The following ICA1 variants were observed in gnomAD, a reference collection of about 807,000 sequenced individuals.
ICA1 encodes islet cell autoantigen 1, also known as 69 kDa islet cell autoantigen.
Under a neutral mutation model 71.0 loss-of-function variants are expected in ICA1, and 40 were observed. The observed-to-expected ratio is 0.56, with a 90% CI of 0.44 to 0.73. The LOEUF (loss-of-function observed/expected upper bound fraction) is 0.73, where lower values mean the gene tolerates loss of function less well. Among genes scored for constraint, ICA1 ranks in the 30% least tolerant of loss-of-function variants. The probability of loss-of-function intolerance (pLI) is 0.00; values close to 1 mark genes in which losing one functional copy is unlikely to be tolerated. For missense variants in ICA1, 578 were observed against 576.5 expected (o/e 1.00, Z -0.03); for synonymous variants, 207 against 209.5 (o/e 0.99, Z 0.10).
chr7:8,230,197 G>C (rs1799829718), intron 3 of ICA1, among the ~76,000 whole-genome samples: 1 of 152,194 alleles, frequency 6.6e-6, no homozygotes, highest in African/African-American at 2.4e-5. Context: ...GTACTGAAGA[G>C]CTGTTTTTCA....
chr7:8,252,440 A>T (rs1808497900), intron 1 of ICA1, among the ~76,000 whole-genome samples: 1 of 152,166 alleles, frequency 6.6e-6, no homozygotes, highest in Non-Finnish European at 1.5e-5. Context: ...GCACCAACTT[A>T]AATTTTCTTT....
chr7:8,232,198 T>C (rs1005864550), intron 3 of ICA1, among the ~76,000 whole-genome samples: 2 of 152,216 alleles, frequency 1.3e-5, no homozygotes, highest in African/African-American at 4.8e-5. Context: ...ACAAAACTTA[T>C]TAGACTCTAC....
At chr7:8,212,469 G>C (rs1056496111) in intron 6 of ICA1, among the ~76,000 whole-genome samples, 1 of 139,456 alleles carries the variant, frequency 7.2e-6, no homozygotes, top group Non-Finnish European at 1.5e-5. Flanking sequence ...GGAAGCTGGG[G>C]CACAAGAAAT....
intron 6 of ICA1, among the ~76,000 whole-genome samples, chr7:8,203,715 G>C (rs750027956): frequency 6.6e-6 from 1 of 152,190 alleles, no homozygotes; most frequent in African/African-American, 2.4e-5. Flanking sequence ...TCTGCAGGGG[G>C]CCTGTTAATT....
chr7:8,228,776 GACC>G, intron 3 of ICA1, 103 bp from the exon 4 acceptor site: 1 of 673,810 alleles, frequency 1.5e-6, no homozygotes, highest in Non-Finnish European at 2.5e-6. Flanking sequence ...CCAAAAACAA[GACC>G]ACATGTCTAA....
intron 6 of ICA1, among the ~76,000 whole-genome samples, chr7:8,211,445 G>A (rs1191864710): frequency 2.0e-5 from 3 of 152,066 alleles, no homozygotes; most frequent in Non-Finnish European, 4.4e-5. Context: ...CTGAAGAAAT[G>A]GATCTTCTGG....
At chr7:8,239,059 G>C (rs1802821202) in intron 1 of ICA1, among the ~76,000 whole-genome samples, 1 of 152,180 alleles carries the variant, frequency 6.6e-6, no homozygotes, top group African/African-American at 2.4e-5. Context: ...ATAGGCACAG[G>C]AGCAAAGGAA....
At chr7:8,247,511 T>A (rs140571084) in intron 1 of ICA1, among the ~76,000 whole-genome samples, 2 of 152,206 alleles carry the variant, frequency 1.3e-5, no homozygotes, top group African/African-American at 4.8e-5. Flanking sequence ...TTGAACAAGC[T>A]GGACAGCTTG....
At chr7:8,180,827 GTCTC>G (rs1181074661) in intron 6 of ICA1, among the ~76,000 whole-genome samples, 16 of 150,848 alleles carry the variant, frequency 1.1e-4, no homozygotes, top group African/African-American at 3.2e-4. Context: ...GTGGCGGCCA[GTCTC>G]TCTCTCTTTT....
intron 6 of ICA1, among the ~76,000 whole-genome samples, chr7:8,168,617 A>C (rs1422611577): frequency 6.6e-6 from 1 of 152,184 alleles, no homozygotes; most frequent in Non-Finnish European, 1.5e-5. Flanking sequence ...AAGTAGGCAT[A>C]GGGAAACTTC....
intron 6 of ICA1, among the ~76,000 whole-genome samples, chr7:8,168,972 G>A (rs1329586705): frequency 6.6e-6 from 1 of 152,040 alleles, no homozygotes; most frequent in Non-Finnish European, 1.5e-5. Flanking sequence ...CATGATATAA[G>A]ACATTCTATA....
chr7:8,121,272 C>T (rs927755534), intron 13 of ICA1, among the ~76,000 whole-genome samples: 1 of 152,170 alleles, frequency 6.6e-6, no homozygotes. Context: ...CCACTTCTTG[C>T]CTGCCATCCA....
intron 1 of ICA1, among the ~76,000 whole-genome samples, chr7:8,250,548 C>T (rs943332562): frequency 1.3e-5 from 2 of 152,108 alleles, no homozygotes; most frequent in South Asian, 4.1e-4. Context: ...TTGACGTGGA[C>T]ACGATTACCT....
chr7:8,216,846 A>G (rs368389561), intron 6 of ICA1, among the ~76,000 whole-genome samples: 3 of 152,220 alleles, frequency 2.0e-5, no homozygotes, highest in Non-Finnish European at 2.9e-5. Flanking sequence ...TTCCTCGCTT[A>G]TAAAATAAAA....
chr7:8,199,994 T>C (rs562421425), intron 6 of ICA1, among the ~76,000 whole-genome samples: 9 of 152,262 alleles, frequency 5.9e-5, no homozygotes, highest in African/African-American at 2.2e-4. Context: ...TAGTATGTGA[T>C]AGCACAACAG....
intron 6 of ICA1, among the ~76,000 whole-genome samples, chr7:8,187,968 C>A (rs1296121584): frequency 6.6e-6 from 1 of 152,070 alleles, no homozygotes; most frequent in Non-Finnish European, 1.5e-5. Context: ...AGTTAAGAAA[C>A]CTGCCTGAGA....
rs138397904 is a variant in ICA1 at position 8,151,920 on chromosome 7, G to A, written c.804+5196C>T. 6.2e-4 allele frequency among the ~76,000 whole-genome samples: 94 copies of A among 152,336 alleles called. No individual in the cohort carries two copies. The Middle Eastern group carries it at 0.014, about 22-fold the overall frequency. ...TGTTTCAATGGTTATTTTTGAACAT[G>A]TTCAGAGTTACGTTTTCAAATTCAG... is the stretch of plus-strand genomic sequence containing the variant. On this transcript the variant is annotated intron_variant, in intron 8 of 13. Transcript: ENST00000402384.
intron 12 of ICA1, among the ~76,000 whole-genome samples, chr7:8,133,197 C>T (rs1343329096): frequency 6.6e-6 from 1 of 152,182 alleles, no homozygotes; most frequent in African/African-American, 2.4e-5. Flanking sequence ...CCTAAGCCGC[C>T]TTAGGACTCA....
chr7:8,157,364 CTCTG>C (rs1802006754), intron 7 of ICA1, 150 bp from the exon 8 acceptor site: 8 of 779,628 alleles, frequency 1.0e-5, no homozygotes, highest in Non-Finnish European at 1.6e-5. Flanking sequence ...CCCAATTACA[CTCTG>C]TATTTCAGCC....
Sources: allele counts gnomAD v4.1 joint callset (sites outside exome capture counted in the v4.1 genomes callset), GRCh38; gene constraint gnomAD v4.1.1; transcripts MANE v1.5; gene names NCBI Gene and HGNC (gene_info 2026-07-23, HGNC 2026-07-21).